Variants in GRID2 observed in about 807,000 individuals in gnomAD.
GRID2 encodes glutamate receptor ionotropic, delta-2.
Under a neutral mutation model 114.8 loss-of-function variants are expected in GRID2, and 33 were observed. The ratio of observed to expected loss-of-function variants is 0.29; its 90% CI spans 0.22 to 0.38. The LOEUF is 0.38. Ranked by LOEUF, GRID2 falls within the 10% of genes least tolerant of loss-of-function variation. The pLI, the probability that GRID2 is intolerant of heterozygous loss-of-function variation, is 1.00. For missense variants in GRID2, 1,184 were observed against 1,257.7 expected, an observed-to-expected ratio of 0.94 and a Z score of 0.89; for synonymous variants, 505 against 449.9, an observed-to-expected ratio of 1.12 and a Z score of -1.55.
intron 2 of GRID2, among the ~76,000 whole-genome samples, chr4:92,629,152 G>T (rs1730667079): frequency 6.6e-6 from 1 of 151,784 alleles, no homozygotes; most frequent in Admixed American, 6.6e-5. Context: ...AGATTAAACA[G>T]TAGAAATAAT....
At chr4:93,088,515 T>C in intron 3 of GRID2, among the ~76,000 whole-genome samples, 1 of 152,076 alleles carries the variant, frequency 6.6e-6, no homozygotes, top group Non-Finnish European at 1.5e-5. Context: ...TACTGGTGTG[T>C]AAAGAAGTAT....
intron 14 of GRID2, among the ~76,000 whole-genome samples, chr4:93,727,856 T>C (rs1403629672): frequency 1.3e-5 from 2 of 152,190 alleles, no homozygotes; most frequent in Non-Finnish European, 2.9e-5. Context: ...TTTTATTGCA[T>C]CTATTTGATT....
chr4:92,996,619 G>C (rs1240194195), intron 2 of GRID2, among the ~76,000 whole-genome samples: 1 of 152,116 alleles, frequency 6.6e-6, no homozygotes, highest in Non-Finnish European at 1.5e-5. Context: ...GTTGGAGATG[G>C]GGAATGAGAA....
chr4:92,646,713 G>C (rs906951717), intron 2 of GRID2, among the ~76,000 whole-genome samples: 1 of 152,218 alleles, frequency 6.6e-6, no homozygotes, highest in Non-Finnish European at 1.5e-5. Context: ...TATTTTCATG[G>C]TGTCTATTCA....
At chr4:93,486,257 C>A (rs1157850081) in intron 11 of GRID2, among the ~76,000 whole-genome samples, 3 of 151,440 alleles carry the variant, frequency 2.0e-5, no homozygotes, top group African/African-American at 7.3e-5. Flanking sequence ...ATCCTTTGTT[C>A]TCTTAGATTT....
intron 13 of GRID2, among the ~76,000 whole-genome samples, chr4:93,556,793 C>T (rs1048291375): frequency 6.6e-6 from 1 of 152,056 alleles, no homozygotes; most frequent in African/African-American, 2.4e-5. Context: ...GACACATACT[C>T]ATGAGATCCA....
chr4:93,057,585 T>A (rs1370079848), intron 2 of GRID2, among the ~76,000 whole-genome samples: 3 of 151,800 alleles, frequency 2.0e-5, no homozygotes, highest in Non-Finnish European at 4.4e-5. Context: ...TATGCGTTAT[T>A]GATTTTATCA....
intron 2 of GRID2, among the ~76,000 whole-genome samples, chr4:92,974,730 A>C (rs1753744839): frequency 6.6e-6 from 1 of 152,056 alleles, no homozygotes; most frequent in Admixed American, 6.6e-5. Context: ...GAAATACCTA[A>C]TGCAGGTGAT....
At chr4:93,296,792 G>A (rs1389785294) in intron 8 of GRID2, among the ~76,000 whole-genome samples, 2 of 152,114 alleles carry the variant, frequency 1.3e-5, no homozygotes, top group South Asian at 2.1e-4. Context: ...TGACAATTTT[G>A]TTATTTTGTT....
intron 8 of GRID2, among the ~76,000 whole-genome samples, chr4:93,372,442 G>A (rs1248380304): frequency 1.3e-5 from 2 of 151,990 alleles, no homozygotes; most frequent in East Asian, 3.9e-4. Flanking sequence ...TCCCCATGTT[G>A]GTTTCTCCTT....
chr4:92,979,950 A>G (rs1754090350), intron 2 of GRID2, among the ~76,000 whole-genome samples: 1 of 152,152 alleles, frequency 6.6e-6, no homozygotes, highest in South Asian at 2.1e-4. Context: ...CATTTTTGCA[A>G]TTAATCTGCT....
chr4:93,576,332 G>A (rs568450386), intron 13 of GRID2, among the ~76,000 whole-genome samples: 22 of 152,244 alleles, frequency 1.4e-4, no homozygotes, highest in Admixed American at 3.9e-4. Flanking sequence ...TGTACCCTCT[G>A]ATTGACTCCA....
intron 14 of GRID2, among the ~76,000 whole-genome samples, chr4:93,678,468 A>G (rs1249306181): frequency 7.6e-6 from 1 of 132,360 alleles, no homozygotes; most frequent in Non-Finnish European, 1.7e-5. Flanking sequence ...TCCAAGACAC[A>G]TAATTATCAG....
At chr4:93,414,287 T>A (rs762865479) in intron 9 of GRID2, among the ~76,000 whole-genome samples, 1 of 152,184 alleles carries the variant, frequency 6.6e-6, no homozygotes, top group Non-Finnish European at 1.5e-5. Context: ...CAATAGTAAC[T>A]GTCAACTGTC....
At chr4:92,810,878 G>A (rs1360792550) in intron 2 of GRID2, among the ~76,000 whole-genome samples, 3 of 151,938 alleles carry the variant, frequency 2.0e-5, no homozygotes, top group Admixed American at 6.6e-5. Context: ...TGCAACCTCC[G>A]CCTCCCGGGT....
intron 1 of GRID2, among the ~76,000 whole-genome samples, chr4:92,481,462 G>C (rs1412364941): frequency 1.3e-5 from 2 of 152,070 alleles, no homozygotes; most frequent in African/African-American, 4.8e-5. Context: ...ACTGAATAAG[G>C]AGTCTTCCTC....
chr4:92,640,234 A>T (rs1731279279), intron 2 of GRID2, among the ~76,000 whole-genome samples: 1 of 151,868 alleles, frequency 6.6e-6, no homozygotes, highest in Non-Finnish European at 1.5e-5. Flanking sequence ...GAAAGAAAAG[A>T]AAGTGCCACA....
intron 1 of GRID2, among the ~76,000 whole-genome samples, chr4:92,341,730 C>T (rs757548717): frequency 6.6e-6 from 1 of 151,792 alleles, no homozygotes; most frequent in Admixed American, 6.6e-5. Context: ...GGCTAACGCA[C>T]GGTGAAACCC....
At chr4:92,637,002 A>G (rs1731095810) in intron 2 of GRID2, among the ~76,000 whole-genome samples, 1 of 151,968 alleles carries the variant, frequency 6.6e-6, no homozygotes, top group African/African-American at 2.4e-5. Flanking sequence ...TAATCAGCCT[A>G]ATATTTTTTA....
Sources: allele counts gnomAD v4.1 joint callset (sites outside exome capture counted in the v4.1 genomes callset), GRCh38; gene constraint gnomAD v4.1.1; transcripts MANE v1.5; gene names NCBI Gene and HGNC (gene_info 2026-07-23, HGNC 2026-07-21).